Variants in SLC4A1 observed in about 807,000 individuals in gnomAD.
SLC4A1 encodes solute carrier family 4 member 1 (Diego blood group), also known as band 3 anion transport protein.
A neutral mutation model predicts 93.1 loss-of-function variants in SLC4A1; 29 were observed. That is an observed-to-expected ratio of 0.31 (90% CI 0.23 to 0.42). The LOEUF (loss-of-function observed/expected upper bound fraction) is 0.42, where lower values mean the gene tolerates loss of function less well. Ranked by LOEUF, SLC4A1 falls within the 20% of genes least tolerant of loss-of-function variation. The pLI, the probability that SLC4A1 is intolerant of heterozygous loss-of-function variation, is 1.00. For synonymous variants in SLC4A1, 469 were observed against 497.2 expected (o/e 0.94, Z 0.76); for missense variants, 965 against 1,190.1 (o/e 0.81, Z 2.78).
chr17:44,253,496 T>C, intron 16 of SLC4A1, 125 bp from the exon 17 acceptor site: 1 of 1,233,306 alleles, frequency 8.1e-7, no homozygotes, highest in Non-Finnish European at 1.1e-6. Context: ...CTCTTTGAGT[T>C]CCTTGCTCCC....
Position 44,255,662 on chromosome 17 carries a change from G to A in SLC4A1, c.1800+11C>T, listed in dbSNP as rs749284945. The A allele has an allele frequency of 4.4e-5, 71 of 1,612,870 alleles. No individual in the cohort carries two copies. Among genetic ancestry groups the A allele is most frequent in the Middle Eastern group, 3.5e-4 (2 of 5,712 alleles). On this transcript the variant is annotated intron_variant, in intron 14 of 19. Coordinates refer to ENST00000262418, the MANE Select transcript of SLC4A1 (RefSeq NM_000342.4). ...AGTGTTGGCAAGGACAGGCGAGGAG[G>A]GTATGCTGACCTTGCCAGGGAAATA...
chr17:44,253,666 CA>C (rs2047363052), intron 16 of SLC4A1, among the ~76,000 whole-genome samples: 5 of 152,170 alleles, frequency 3.3e-5, no homozygotes, highest in African/African-American at 9.6e-5. Context: ...TGTCATTTTG[CA>C]TTTTTTTTTC....
chr17:44,262,115 C>T (rs1367984218), intron 3 of SLC4A1: 3 of 1,035,644 alleles, frequency 2.9e-6, no homozygotes, highest in African/African-American at 1.7e-5. Context: ...CTCCCACCCC[C>T]AGCCCTCATT....
Position 44,260,552 on chromosome 17 carries a change from G to A in SLC4A1, c.350-13C>T. On this transcript the variant is annotated splice_polypyrimidine_tract_variant and intron_variant, in intron 5 of 19. Transcript: ENST00000262418. ...AGGAGGACAGTACCTGCAGGCAGTGGAGGAGTGAGCTGGTAGGCTGGGCCA... is the reference window on the plus strand; with the variant it reads ...AGGAGGACAGTACCTGCAGGCAGTGAAGGAGTGAGCTGGTAGGCTGGGCCA... The A allele has an allele frequency of 1.2e-6, 2 of 1,614,192 alleles. No individual in the cohort carries two copies. The highest frequency in any genetic ancestry group is 1.1e-5 in the South Asian group (1 of 91,080).
chr17:44,258,219 T>C lies in SLC4A1; in HGVS notation c.1088-39A>G. The stretch of plus-strand genomic sequence containing the variant: ...TAAGAGCATGGTCAGAGGGAGTAGC[T>C]GGAGGAGGTGAGGGGAAAGGGGACT... On this transcript the variant is annotated intron_variant, in intron 10 of 19. Transcript: ENST00000262418. This position sits in a 1 kb window ranked among gnomAD's most constrained non-coding sequence, Gnocchi z 6.1. 6.3e-7 allele frequency: 1 copy of C among 1,596,152 alleles called. No homozygotes were observed. Among genetic ancestry groups the C allele is most frequent in the Non-Finnish European group, 8.6e-7 (1 of 1,164,776 alleles).
chr17:44,255,103 C>A, intron 15 of SLC4A1, 104 bp downstream of exon 15: 1 of 800,218 alleles, frequency 1.2e-6, no homozygotes. Flanking sequence ...GTAGTCCCAG[C>A]TGGCTTCAGG....
Position 44,253,362 on chromosome 17 carries a change from G to A in SLC4A1, c.2067C>T (p.Val689=), listed in dbSNP as rs1362573367. 1 of 1,612,126 alleles carries A rather than the reference G, an allele frequency of 6.2e-7. No individual in the cohort carries two copies. Among genetic ancestry groups the A allele is most frequent in the Non-Finnish European group, 8.5e-7 (1 of 1,178,586 alleles). Residue 689 remains valine, a synonymous_variant, in exon 17 of 20, where the codon GTC becomes GTT. Transcript: ENST00000262418. ...TGACCATCTTGCGCTCAGGTTTGCT[G>A]ACAATCAGCCTACGGTAGGGGAAGG... ...FLESQITTLI[V]SKPERKMVKG... is the part of the protein sequence containing the mutation.
intron 1 of SLC4A1, among the ~76,000 whole-genome samples, chr17:44,266,874 G>C (rs2047500336): frequency 6.6e-6 from 1 of 152,138 alleles, no homozygotes; most frequent in African/African-American, 2.4e-5. Context: ...GGCGGGAGAG[G>C]GGATTGACCA....
rs35836399 is a variant in SLC4A1, at chr17:44,261,126, C to T, written c.169-311G>A. ...TTGGAGTCATTGGGTCAGTCTCCAG[C>T]CTCTAAGATTGTTCGTGGATGTGCT... On this transcript the variant is annotated intron_variant, in intron 4 of 19. Transcript: ENST00000262418. Among the ~76,000 whole-genome samples the T allele has an allele frequency of 0.054, 8,192 of 152,258 alleles. 509 individuals carry two copies. Among genetic ancestry groups the T allele is most frequent in the African/African-American group, 0.16 (6,493 of 41,518 alleles).
At chr17:44,253,403 G>A (rs754183172) in intron 16 of SLC4A1, 32 bp from the exon 17 acceptor site, 1 of 1,596,000 alleles carries the variant, frequency 6.3e-7, no homozygotes, top group Non-Finnish European at 8.6e-7. Context: ...GGTAAGCAGG[G>A]TTCTCCCCTG....
In SLC4A1 at chr17:44,258,109, G is replaced by A. The variant is rs531459694; in HGVS notation, c.1159C>T (p.Arg387Trp). 42 of 1,614,052 alleles carry A rather than the reference G, an allele frequency of 2.6e-5. No homozygotes were observed. Among genetic ancestry groups the A allele is most frequent in the South Asian group, 1.8e-4 (16 of 91,078 alleles). The change falls in exon 11 of 20, where the codon CGG becomes TGG. Residue 387 changes from arginine to tryptophan, a missense_variant. This residue lies in a region of SLC4A1 where 770 missense variants were observed against 1,006.6 expected (regional missense o/e 0.76). Transcript: ENST00000262418. The surrounding 1 kb of genome is among the most constrained non-coding windows in gnomAD (Gnocchi z 6.1). ...CTCAGGTAATAGGGGTAGCGGCGCC[G>A]GATATCACGCACCAGGCCCCCGAAG... is the stretch of plus-strand genomic sequence containing the variant. Reference protein sequence around the residue: ...QLFGGLVRDIRRRYPYYLSDI... With the variant: ...QLFGGLVRDIWRRYPYYLSDI...
chr17:44,251,736 TTTTG>T, intron 17 of SLC4A1, 148 bp from the exon 18 acceptor site: 2 of 626,870 alleles, frequency 3.2e-6, no homozygotes, highest in East Asian at 3.1e-5. Flanking sequence ...TTTTTTTTTT[TTTTG>T]TTTTTTTTTT....
Position 44,258,255 on chromosome 17 carries a change from G to A in SLC4A1, c.1088-75C>T. The stretch of plus-strand genomic sequence containing the variant: ...AGGGGAAAGGGGACTGGAGGGTGTA[G>A]GGGAGATTGTCTGATGGGAATGGGG... On this transcript the variant is annotated intron_variant, in intron 10 of 19. Coordinates refer to ENST00000262418, the MANE Select transcript of SLC4A1 (RefSeq NM_000342.4). The surrounding 1 kb of genome is among the most constrained non-coding windows in gnomAD (Gnocchi z 6.1). 6.7e-7 allele frequency: 1 copy of A among 1,495,490 alleles called. No individual in the cohort carries two copies. Among genetic ancestry groups the A allele is most frequent in the Non-Finnish European group, 9.3e-7 (1 of 1,074,500 alleles). 92.6% of individuals were successfully genotyped at this position (1,495,490 alleles called of 1,614,324 possible).
At chr17:44,261,275 A>G (rs2144622135) in intron 4 of SLC4A1, among the ~76,000 whole-genome samples, 1 of 152,270 alleles carries the variant, frequency 6.6e-6, no homozygotes, top group Admixed American at 6.5e-5. Flanking sequence ...AGAGGAGAAC[A>G]AGTCTTTAAT....
At chr17:44,256,860 C>CAT (rs1024625146) in intron 13 of SLC4A1, among the ~76,000 whole-genome samples, 3 of 152,208 alleles carry the variant, frequency 2.0e-5, no homozygotes, top group African/African-American at 7.2e-5. Flanking sequence ...ACTACACAGA[C>CAT]ATAGACACAT....
chr17:44,251,733 T>G (rs1598295762), intron 17 of SLC4A1, 145 bp from the exon 18 acceptor site: 7 of 608,852 alleles, frequency 1.1e-5, no homozygotes, highest in Non-Finnish European at 1.9e-5. Context: ...TTTTTTTTTT[T>G]TTTTTTGTTT....
chr17:44,261,882 G>C (rs2047448862), intron 3 of SLC4A1: 1 of 1,023,772 alleles, frequency 9.8e-7, no homozygotes, highest in African/African-American at 1.6e-5. Context: ...GATTCAGCCA[G>C]GGAGGCCTAG....
chr17:44,254,268 G>A (rs1165877085), intron 16 of SLC4A1, among the ~76,000 whole-genome samples: 1 of 151,874 alleles, frequency 6.6e-6, no homozygotes, highest in South Asian at 2.1e-4. Flanking sequence ...GAGCCACCGC[G>A]CCCGGCCACG....
intron 1 of SLC4A1, 109 bp from the exon 2 acceptor site, chr17:44,263,043 G>A: frequency 2.2e-6 from 2 of 894,094 alleles, no homozygotes; most frequent in African/African-American, 1.6e-5. Context: ...GTTGGAGGTG[G>A]TAGGGCCAGA....
Sources: allele counts gnomAD v4.1 joint callset (sites outside exome capture counted in the v4.1 genomes callset), GRCh38; gene constraint gnomAD v4.1.1; regional missense constraint gnomAD v4.1.1; non-coding constraint Gnocchi (gnomAD v3.1); transcripts MANE v1.5; gene names NCBI Gene and HGNC (gene_info 2026-07-23, HGNC 2026-07-21).